The following TMEM14B variants were observed in gnomAD, a reference collection of about 807,000 sequenced individuals.
TMEM14B encodes transmembrane protein 14B.
TMEM14B carries 9 observed loss-of-function variants against 14.8 expected under a neutral mutation model. The observed-to-expected ratio is 0.61, with a 90% CI of 0.37 to 1.06. The LOEUF is 1.06. Ranked by LOEUF, TMEM14B falls within the 50% of genes least tolerant of loss-of-function variation. The pLI, the probability that TMEM14B is intolerant of heterozygous loss-of-function variation, is 0.01. For missense variants in TMEM14B, 128 were observed against 143.6 expected, an observed-to-expected ratio of 0.89 and a Z score of 0.56; for synonymous variants, 40 against 51.3, an observed-to-expected ratio of 0.78 and a Z score of 0.94.
intron 4 of TMEM14B, among the ~76,000 whole-genome samples, chr6:10,753,322 A>C (rs1771667072): frequency 6.6e-6 from 1 of 152,074 alleles, no homozygotes; most frequent in African/African-American, 2.4e-5. Context: ...TGTTTGTGGA[A>C]TAGCTCTCCC....
At position 10,751,710 on chromosome 6, in the gene TMEM14B, ATC is replaced by A. The variant is rs1373261612; in HGVS notation, c.202+477_202+478del. On this transcript the variant is annotated intron_variant, in intron 4 of 5. Coordinates refer to ENST00000379542, the MANE Select transcript of TMEM14B (RefSeq NM_030969.5). ...TGCGTTACGTTTTTCACATTTGAAA[ATC>A]ACCTCTTTAGCAGTCAGCTAACTAA... 2.6e-5 allele frequency among the ~76,000 whole-genome samples: 4 copies of A among 152,204 alleles called. No homozygotes were observed. The East Asian group carries it at 7.7e-4, about 29-fold the overall frequency.
At chr6:10,754,001 C>T (rs1771699202) in intron 4 of TMEM14B, among the ~76,000 whole-genome samples, 1 of 152,126 alleles carries the variant, frequency 6.6e-6, no homozygotes, top group Non-Finnish European at 1.5e-5. Context: ...GGGCCGGTTG[C>T]GGTGGCTCCT....
intron 1 of TMEM14B, 28 bp from the exon 2 acceptor site, chr6:10,749,170 TAACC>T (rs1771452061): frequency 6.7e-7 from 1 of 1,492,926 alleles, no homozygotes; most frequent in South Asian, 1.1e-5. Context: ...GCTGTGCTTT[TAACC>T]ACTGCTGATC....
intron 4 of TMEM14B, 27 bp downstream of exon 4, chr6:10,751,261 G>A: frequency 1.2e-6 from 2 of 1,612,000 alleles, no homozygotes; most frequent in Non-Finnish European, 1.7e-6. Context: ...GTCTCCTTAG[G>A]GCAATCATGT....
chr6:10,758,764 G>C (rs960996243), downstream of TMEM14B, among the ~76,000 whole-genome samples: 9 of 152,150 alleles, frequency 5.9e-5, no homozygotes, highest in African/African-American at 1.9e-4. Context: ...TGAATCAGTT[G>C]ACATGAACTC....
chr6:10,758,371 AG>A (rs1771874828), downstream of TMEM14B, among the ~76,000 whole-genome samples: 1 of 152,354 alleles, frequency 6.6e-6, no homozygotes, highest in African/African-American at 2.4e-5. Context: ...TTAGGTGCCA[AG>A]TAGATCCCCA....
At chr6:10,754,460 T>C (rs1771729720) in intron 4 of TMEM14B, among the ~76,000 whole-genome samples, 1 of 152,202 alleles carries the variant, frequency 6.6e-6, no homozygotes, top group African/African-American at 2.4e-5. Flanking sequence ...CCCCTCTGCC[T>C]GGAAAGGGCA....
chr6:10,755,459 C>T (rs936114317), intron 5 of TMEM14B: 6 of 1,441,758 alleles, frequency 4.2e-6, no homozygotes, highest in Non-Finnish European at 4.5e-6. Context: ...CTGGTCCTAG[C>T]TCCTTCCTAT....
rs142870839 is a variant in TMEM14B, at chr6:10,749,499, G to T, written c.24-123G>T. On this transcript the variant is annotated intron_variant, in intron 2 of 5. Coordinates refer to ENST00000379542, the MANE Select transcript of TMEM14B (RefSeq NM_030969.5). The stretch of plus-strand genomic sequence containing the variant: ...TCTGTGGTGCTTATTTTCAGTGATA[G>T]TACCTGTGGGCACATAGGACCTGTG... 511 of 1,211,680 alleles carry T rather than the reference G, an allele frequency of 4.2e-4. 1 individual carries two copies. In the African/African-American group the frequency reaches 6.5e-3, roughly 15 times the overall value. 75.1% of individuals were successfully genotyped at this position (1,211,680 alleles called of 1,614,324 possible).
intron 3 of TMEM14B, chr6:10,749,939 G>A (rs1014373330): frequency 3.5e-6 from 2 of 569,400 alleles, no homozygotes; most frequent in African/African-American, 3.8e-5. Context: ...AGGTAGGCAG[G>A]GGTGGTTGTA....
intron 3 of TMEM14B, among the ~76,000 whole-genome samples, chr6:10,750,728 G>A (rs1268474106): frequency 3.9e-5 from 6 of 152,042 alleles, no homozygotes; most frequent in South Asian, 2.1e-4. Flanking sequence ...CCAAGATGGA[G>A]TCTGTCTGGC....
At chr6:10,749,483 C>A in intron 2 of TMEM14B, 139 bp from the exon 3 acceptor site, 1 of 1,169,580 alleles carries the variant, frequency 8.6e-7, no homozygotes, top group Non-Finnish European at 1.3e-6. Flanking sequence ...CTCTGTGGTG[C>A]TTATTTTCAG....
chr6:10,754,349 G>A lies in TMEM14B; in HGVS notation c.203-793G>A, dbSNP rs559400119. On this transcript the variant is annotated intron_variant, in intron 4 of 5. Coordinates refer to ENST00000379542, the MANE Select transcript of TMEM14B (RefSeq NM_030969.5). Reference sequence around the variant, plus strand: ...CCTTCAAGGCTCTATGTGGTCTGGCGCCTCTTACTCACAAACTGCATCTTG... The same window carrying A: ...CCTTCAAGGCTCTATGTGGTCTGGCACCTCTTACTCACAAACTGCATCTTG... Among the ~76,000 whole-genome samples, 6 of 152,200 alleles carry A rather than the reference G, an allele frequency of 3.9e-5. No homozygotes were observed. The South Asian group carries it at 8.3e-4, about 21-fold the overall frequency.
At chr6:10,755,443 T>C (rs925131726) in intron 5 of TMEM14B, 4 of 1,459,756 alleles carry the variant, frequency 2.7e-6, no homozygotes, top group Non-Finnish European at 2.7e-6. Flanking sequence ...GAGATGGCTT[T>C]GTTCTCTGGT....
chr6:10,756,415 T>C, intron 5 of TMEM14B, 52 bp from the exon 6 acceptor site: 1 of 1,599,778 alleles, frequency 6.3e-7, no homozygotes, highest in South Asian at 1.1e-5. Flanking sequence ...AAAAACATAG[T>C]TGCCTGTTCT....
rs566462113 is a variant in TMEM14B, at chr6:10,750,686, A to G, written c.101-447A>G. ...GCTGGGAGTCAGCTTGCACAAGTTAAGTCCTTGAGGACGGGGCTGCCAGTG... is the reference window on the plus strand; with the variant it reads ...GCTGGGAGTCAGCTTGCACAAGTTAGGTCCTTGAGGACGGGGCTGCCAGTG... On this transcript the variant is annotated intron_variant, in intron 3 of 5. Coordinates refer to ENST00000379542, the MANE Select transcript of TMEM14B (RefSeq NM_030969.5). Among the ~76,000 whole-genome samples, 88 of 152,124 alleles carry G rather than the reference A, an allele frequency of 5.8e-4. 2 individuals carry two copies. The highest frequency in any genetic ancestry group is 9.4e-4 in the Non-Finnish European group (64 of 68,022).
At position 10,756,448 on chromosome 6, in the gene TMEM14B, T is replaced by A. The variant is rs1020862275; in HGVS notation, c.294-19T>A. 6 of 1,613,460 alleles carry A rather than the reference T, an allele frequency of 3.7e-6. No homozygotes were observed. The highest frequency in any genetic ancestry group is 5.1e-6 in the Non-Finnish European group (6 of 1,179,722). Reference sequence around the variant, plus strand: ...TCTATCCTTTACCTGATGTTTTCTATCTTACTTGTTTTAAACAGTTTGCTG... The same window carrying A: ...TCTATCCTTTACCTGATGTTTTCTAACTTACTTGTTTTAAACAGTTTGCTG... On this transcript the variant is annotated intron_variant, in intron 5 of 5. Transcript: ENST00000379542.
intron 1 of TMEM14B, among the ~76,000 whole-genome samples, chr6:10,748,694 G>A (rs1697896394): frequency 1.3e-5 from 2 of 152,054 alleles, no homozygotes; most frequent in Non-Finnish European, 2.9e-5. Context: ...TTGAGTTTCC[G>A]TGTATTTTAC....
At chr6:10,752,518 G>A (rs1388822820) in intron 4 of TMEM14B, among the ~76,000 whole-genome samples, 2 of 147,526 alleles carry the variant, frequency 1.4e-5, no homozygotes, top group African/African-American at 2.5e-5. Context: ...GTGCAGTGGC[G>A]CGGTCTTGGC....
Sources: allele counts gnomAD v4.1 joint callset (sites outside exome capture counted in the v4.1 genomes callset), GRCh38; gene constraint gnomAD v4.1.1; transcripts MANE v1.5; gene names NCBI Gene and HGNC (gene_info 2026-07-23, HGNC 2026-07-21).